ZNF385D: variants seen among roughly 807,000 people sequenced by gnomAD.
The protein encoded by ZNF385D is zinc finger protein 659.
Under a neutral mutation model 35.8 loss-of-function variants are expected in ZNF385D, and 15 were observed. The observed-to-expected ratio is 0.42, with a 90% CI of 0.28 to 0.64. The LOEUF is 0.64. ZNF385D is among the 30% of genes least tolerant of loss of function. The probability of loss-of-function intolerance (pLI) is 0.23; values close to 1 mark genes in which losing one functional copy is unlikely to be tolerated. For synonymous variants in ZNF385D, 212 were observed against 186.8 expected, an observed-to-expected ratio of 1.13 and a Z score of -1.10; for missense variants, 474 against 494.6, an observed-to-expected ratio of 0.96 and a Z score of 0.39.
At chr3:21,564,951 T>A (rs2063090290) in intron 2 of ZNF385D, among the ~76,000 whole-genome samples, 1 of 152,210 alleles carries the variant, frequency 6.6e-6, no homozygotes, top group African/African-American at 2.4e-5. Flanking sequence ...GCAACAGTTG[T>A]CTCAGTTTAA....
intron 1 of ZNF385D, among the ~76,000 whole-genome samples, chr3:21,699,611 A>T (rs990946889): frequency 1.2e-4 from 19 of 152,188 alleles, no homozygotes; most frequent in African/African-American, 4.3e-4. Flanking sequence ...TGTAAATACA[A>T]GAGTTTGAAG....
At chr3:21,766,009 G>A (rs1037475798) in intron 3 of ZNF385D, among the ~76,000 whole-genome samples, 13 of 151,996 alleles carry the variant, frequency 8.6e-5, no homozygotes, top group African/African-American at 3.1e-4. Flanking sequence ...TTGACTACAT[G>A]TAAACAAGAG....
At chr3:21,660,055 T>C (rs766404112) in intron 2 of ZNF385D, among the ~76,000 whole-genome samples, 122 of 152,074 alleles carry the variant, frequency 8.0e-4, no homozygotes, top group Non-Finnish European at 5.3e-4. Flanking sequence ...TTTCCAGCAG[T>C]TGGTCCTTTG....
At chr3:21,891,850 A>G (rs889451009) in intron 3 of ZNF385D, among the ~76,000 whole-genome samples, 1 of 152,146 alleles carries the variant, frequency 6.6e-6, no homozygotes, top group African/African-American at 2.4e-5. Context: ...AATTCCCCCA[A>G]TTCAATAATC....
chr3:21,603,813 G>A (rs1227991384), intron 2 of ZNF385D, among the ~76,000 whole-genome samples: 2 of 152,118 alleles, frequency 1.3e-5, no homozygotes, highest in Admixed American at 6.5e-5. Context: ...TGTAAATAGG[G>A]TTTCAGTAGG....
intron 3 of ZNF385D, among the ~76,000 whole-genome samples, chr3:21,922,276 G>GA (rs1209214798): frequency 9.7e-6 from 1 of 102,814 alleles, no homozygotes; most frequent in Admixed American, 8.5e-5. Context: ...CACAGAATTA[G>GA]AAAAAAAATT....
chr3:22,280,586 T>C (rs1701686005), intron 2 of ZNF385D, among the ~76,000 whole-genome samples: 1 of 152,096 alleles, frequency 6.6e-6, no homozygotes, highest in Non-Finnish European at 1.5e-5. Context: ...TGTAAGTATT[T>C]GGCTTTATTT....
intron 2 of ZNF385D, among the ~76,000 whole-genome samples, chr3:22,331,582 G>T (rs931235457): frequency 6.6e-6 from 1 of 152,058 alleles, no homozygotes; most frequent in African/African-American, 2.4e-5. Context: ...ATTTAGACAT[G>T]TATCTCCAAA....
chr3:22,094,380 T>C lies in ZNF385D; in HGVS notation c.325+74437A>G, dbSNP rs556085023. Among the ~76,000 whole-genome samples the C allele has an allele frequency of 5.8e-4, 22 of 37,926 alleles. No homozygotes were observed. The East Asian group carries it at 7.6e-3, about 13-fold the overall frequency. The allele number at this position is 37,926 out of a possible 152,430, so 24.9% of individuals were successfully genotyped here. A position where few individuals can be genotyped will look rare whatever the true frequency, so the allele number is the denominator to read the frequency against. On this transcript the variant is annotated intron_variant, in intron 3 of 5. Transcript: ENST00000494108. ...TTTTACCATTGTCTTCTGTCATTTA[T>C]TGTTGATATATATATATATATATAT...
intron 2 of ZNF385D, among the ~76,000 whole-genome samples, chr3:21,650,880 CTGT>C (rs2065891621): frequency 1.3e-5 from 2 of 152,030 alleles, no homozygotes; most frequent in Admixed American, 6.5e-5. Context: ...AAGTTTTTTG[CTGT>C]TGTTGATATG....
At chr3:21,737,362 T>A (rs1377478873) in intron 1 of ZNF385D, among the ~76,000 whole-genome samples, 1 of 151,938 alleles carries the variant, frequency 6.6e-6, no homozygotes, top group Non-Finnish European at 1.5e-5. Context: ...CATGTAGCCA[T>A]AAAATAAAAA....
chr3:22,110,223 A>G (rs895579078), intron 3 of ZNF385D, among the ~76,000 whole-genome samples: 263 of 152,232 alleles, frequency 1.7e-3, no homozygotes, highest in African/African-American at 5.8e-3. Context: ...TGTGGAAGTC[A>G]GTGTGGCGAT....
At chr3:21,764,037 G>C (rs184994230) in intron 3 of ZNF385D, among the ~76,000 whole-genome samples, 1 of 152,258 alleles carries the variant, frequency 6.6e-6, no homozygotes, top group African/African-American at 2.4e-5. Flanking sequence ...ACAATCTGTT[G>C]AAAATGGTCA....
intron 7 of ZNF385D, 113 bp downstream of exon 7, chr3:21,423,850 A>G: frequency 2.1e-6 from 2 of 946,114 alleles, no homozygotes; most frequent in Non-Finnish European, 3.1e-6. Flanking sequence ...ACTCAACTCA[A>G]AAAGGTAAAA....
Position 22,317,751 on chromosome 3 carries a change from C to A in ZNF385D, c.106+54699G>T, listed in dbSNP as rs1703981328. 2.0e-5 allele frequency among the ~76,000 whole-genome samples: 3 copies of A among 152,128 alleles called. No individual in the cohort carries two copies. The South Asian group carries it at 6.2e-4, about 32-fold the overall frequency. On this transcript the variant is annotated intron_variant, in intron 2 of 5. Coordinates refer to the ZNF385D transcript ENST00000494108. ...CATGCACATTAATAAATTTGCATCA[C>A]TTTTCAGCTATTAAATAATGTGAAT...
intron 3 of ZNF385D, among the ~76,000 whole-genome samples, chr3:22,142,650 A>G (rs887079081): frequency 4.6e-5 from 7 of 152,128 alleles, no homozygotes; most frequent in African/African-American, 1.4e-4. Flanking sequence ...AATCCAAGTC[A>G]TTGCTCTCTG....
chr3:21,500,282 C>G (rs948947667), intron 4 of ZNF385D, among the ~76,000 whole-genome samples: 2 of 152,010 alleles, frequency 1.3e-5, no homozygotes, highest in African/African-American at 4.8e-5. Context: ...AAAATAATTC[C>G]TAGCAAGATC....
chr3:21,867,667 T>C (rs1447942634), intron 3 of ZNF385D, among the ~76,000 whole-genome samples: 1 of 152,142 alleles, frequency 6.6e-6, no homozygotes, highest in African/African-American at 2.4e-5. Flanking sequence ...TTTAAATGAT[T>C]TGCCATTTTA....
intron 2 of ZNF385D, among the ~76,000 whole-genome samples, chr3:22,202,058 T>C (rs1434622629): frequency 6.6e-6 from 1 of 152,022 alleles, no homozygotes; most frequent in Non-Finnish European, 1.5e-5. Context: ...TCTATTTGAG[T>C]CAGGAAACTG....
Sources: gnomAD v4.1 joint callset for allele counts (sites outside exome capture counted in the v4.1 genomes callset) on GRCh38, gnomAD v4.1.1 for gene constraint, MANE v1.5 for transcripts, NCBI Gene and HGNC (gene_info 2026-07-23, HGNC 2026-07-21) for gene names.